Variants in POLN observed in about 807,000 individuals in gnomAD.
The protein encoded by POLN is DNA polymerase nu.
POLN carries 108 observed loss-of-function variants against 113.5 expected under a neutral mutation model. That is an observed-to-expected ratio of 0.95 (90% confidence interval 0.81 to 1.12). The LOEUF is 1.12. Ranked by LOEUF, POLN falls within the 50% of genes most tolerant of loss-of-function variation. The pLI is 0.00. For synonymous variants in POLN, 386 were observed against 391.5 expected, an observed-to-expected ratio of 0.99 and a Z score of 0.17; for missense variants, 1,097 against 1,077.1, an observed-to-expected ratio of 1.02 and a Z score of -0.26.
chr4:2,148,701 C>A (rs1283842913), intron 16 of POLN, among the ~76,000 whole-genome samples: 1 of 151,548 alleles, frequency 6.6e-6, no homozygotes, highest in East Asian at 1.9e-4. Context: ...AATAAATAAT[C>A]ACCAATAAAT....
chr4:2,142,551 G>A (rs1732028866), intron 16 of POLN, among the ~76,000 whole-genome samples: 1 of 152,216 alleles, frequency 6.6e-6, no homozygotes, highest in East Asian at 1.9e-4. Context: ...ACGGCAGACT[G>A]GCTAGGGACC....
chr4:2,156,793 G>A lies in POLN; in HGVS notation c.1726C>T (p.His576Tyr), dbSNP rs1732444639. 1 of 1,611,122 alleles carries A rather than the reference G, an allele frequency of 6.2e-7. No homozygotes were observed. The highest frequency in any genetic ancestry group is 1.7e-5 in the Admixed American group (1 of 60,004). ...CAGTTGTTTAAACAACTTACAGGAT[G>A]CTTGGCTGAAAGTCTTCCAGTCACA... The part of the protein sequence containing the change: ...GTVTGRLSAK[H>Y]PNIQGISKHP... Residue 576 changes from histidine to tyrosine, a missense_variant, in exon 16 of 26, where the codon CAT becomes TAT. Physicochemically the swap from His to Tyr is moderately conservative, Grantham distance 83 (BLOSUM62 2). Coordinates refer to ENST00000511885, the MANE Select transcript of POLN (RefSeq NM_181808.4).
At chr4:2,119,257 G>C (rs1047180771) in intron 19 of POLN, among the ~76,000 whole-genome samples, 4 of 152,228 alleles carry the variant, frequency 2.6e-5, no homozygotes, top group African/African-American at 9.6e-5. Flanking sequence ...TGAATGCACA[G>C]CTGATAAGAA....
chr4:2,164,108 ATCCATCTGCTT>A (rs1480078838), intron 13 of POLN, among the ~76,000 whole-genome samples: 3 of 152,102 alleles, frequency 2.0e-5, no homozygotes, highest in Non-Finnish European at 2.9e-5. Context: ...TCCTCTAAAA[ATCCATCTGCTT>A]TCCATCTGCT....
At chr4:2,090,411 C>T (rs754422397) in intron 20 of POLN, 10 of 613,204 alleles carry the variant, frequency 1.6e-5, no homozygotes, top group African/African-American at 1.1e-4. Context: ...GCTGATGGTT[C>T]GAAACATAAT....
At position 2,126,109 on chromosome 4, in the gene POLN, G is replaced by A. The variant is rs9884807; in HGVS notation, c.1982+2004C>T. Among the ~76,000 whole-genome samples, 572 of 152,258 alleles carry A rather than the reference G, an allele frequency of 3.8e-3. 5 individuals are homozygous for A. Among genetic ancestry groups the A allele is most frequent in the African/African-American group, 0.013 (538 of 41,544 alleles). On this transcript the variant is annotated intron_variant, in intron 19 of 25. Coordinates refer to ENST00000511885, the MANE Select transcript of POLN (RefSeq NM_181808.4). This position sits in a 1 kb window ranked among gnomAD's most constrained non-coding sequence, Gnocchi z 4.6. Reference sequence around the variant, plus strand: ...GCCCAAAAGCTGGCCTTGGCTCCTGGTGCCCTGGACCCCACCATGTGCTGT... The same window carrying A: ...GCCCAAAAGCTGGCCTTGGCTCCTGATGCCCTGGACCCCACCATGTGCTGT...
At chr4:2,121,749 T>C (rs1731449004) in intron 19 of POLN, among the ~76,000 whole-genome samples, 1 of 152,076 alleles carries the variant, frequency 6.6e-6, no homozygotes, top group Non-Finnish European at 1.5e-5. Context: ...TTGTCATCCT[T>C]GTTAGAGTTT....
intron 4 of POLN, among the ~76,000 whole-genome samples, chr4:2,209,657 CTTTTT>C (rs1175117439): frequency 5.5e-5 from 6 of 108,426 alleles, no homozygotes; most frequent in South Asian, 3.1e-4. Flanking sequence ...TTTCCTTTTC[CTTTTT>C]TTTTTTTTTT....
At chr4:2,189,399 G>A (rs537658642) in intron 7 of POLN, among the ~76,000 whole-genome samples, 4 of 152,250 alleles carry the variant, frequency 2.6e-5, no homozygotes, top group African/African-American at 9.6e-5. Flanking sequence ...CAGCACTTTG[G>A]GAGGCTGAGG....
At chr4:2,240,971 G>T (rs1269724927) in intron 2 of POLN, 2 of 1,540,654 alleles carry the variant, frequency 1.3e-6, no homozygotes, top group Admixed American at 2.0e-5. Context: ...CAATTTTGTT[G>T]TATCTGATAT....
intron 20 of POLN, among the ~76,000 whole-genome samples, chr4:2,091,520 C>T (rs528942912): frequency 6.6e-6 from 1 of 152,190 alleles, no homozygotes; most frequent in East Asian, 1.9e-4. Flanking sequence ...TGTCCCTTCC[C>T]CAAGCAGGAT....
chr4:2,136,956 C>T (rs1731872235), intron 16 of POLN, among the ~76,000 whole-genome samples: 1 of 152,230 alleles, frequency 6.6e-6, no homozygotes, highest in Admixed American at 6.5e-5. Flanking sequence ...AAAGCTGTGG[C>T]AGTCGCCCCA....
At chr4:2,119,436 T>TGA (rs1731391733) in intron 19 of POLN, among the ~76,000 whole-genome samples, 1 of 151,738 alleles carries the variant, frequency 6.6e-6, no homozygotes, top group Non-Finnish European at 1.5e-5. Context: ...CGTGTGTGTG[T>TGA]GAAGCTGCTG....
chr4:2,183,698 GT>G (rs1207739482), intron 7 of POLN, among the ~76,000 whole-genome samples: 2 of 151,190 alleles, frequency 1.3e-5, no homozygotes, highest in Admixed American at 6.6e-5. Context: ...GGAGTACAGG[GT>G]TTTTTTTTGG....
At chr4:2,208,884 A>G (rs1733922529) in intron 4 of POLN, among the ~76,000 whole-genome samples, 1 of 152,122 alleles carries the variant, frequency 6.6e-6, no homozygotes, top group Non-Finnish European at 1.5e-5. Context: ...GCTACTCGGG[A>G]GGCTGAGGCA....
chr4:2,218,223 G>C (rs1034576334), intron 3 of POLN, among the ~76,000 whole-genome samples: 59 of 150,916 alleles, frequency 3.9e-4, no homozygotes, highest in African/African-American at 1.4e-3. Flanking sequence ...TCTAAGGTCG[G>C]GAGTTCGAGA....
At chr4:2,195,768 T>C (rs1024785061) in intron 6 of POLN, among the ~76,000 whole-genome samples, 2 of 152,176 alleles carry the variant, frequency 1.3e-5, no homozygotes, top group Non-Finnish European at 2.9e-5. Flanking sequence ...AAGGTAACTC[T>C]TGAGGAAAGA....
intron 2 of POLN, among the ~76,000 whole-genome samples, chr4:2,233,716 A>C (rs977659589): frequency 2.0e-5 from 3 of 152,212 alleles, no homozygotes; most frequent in African/African-American, 7.2e-5. Flanking sequence ...GTCTACCTAC[A>C]TCTAAAAAGA....
intron 20 of POLN, among the ~76,000 whole-genome samples, chr4:2,090,987 G>T (rs182743777): frequency 1.3e-5 from 2 of 152,306 alleles, no homozygotes; most frequent in African/African-American, 4.8e-5. Flanking sequence ...TAGTAGGATT[G>T]TATGTTCTAG....
Sources: gnomAD v4.1 joint callset for allele counts (sites outside exome capture counted in the v4.1 genomes callset) on GRCh38, gnomAD v4.1.1 for gene constraint, Gnocchi (gnomAD v3.1) non-coding constraint, MANE v1.5 for transcripts, NCBI Gene and HGNC (gene_info 2026-07-23, HGNC 2026-07-21) for gene names.